Variants in CAMK2A observed in about 807,000 individuals in gnomAD.
CAMK2A encodes the protein calcium/calmodulin dependent protein kinase II alpha, also known as calcium/calmodulin-dependent protein kinase type II subunit alpha.
Under a neutral mutation model 79.2 loss-of-function variants are expected in CAMK2A, and 7 were observed. The ratio of observed to expected loss-of-function variants is 0.09; its 90% confidence interval spans 0.05 to 0.17. The LOEUF (loss-of-function observed/expected upper bound fraction) is 0.17. CAMK2A is among the 10% of genes least tolerant of loss of function. CAMK2A has a pLI of 1.00. For synonymous variants in CAMK2A, 242 were observed against 251.7 expected (o/e 0.96, Z 0.36); for missense variants, 214 against 646.4 (o/e 0.33, Z 7.25).
At position 150,287,935 on chromosome 5, in the gene CAMK2A, C is replaced by CTG. The variant is rs1491510823; in HGVS notation, c.62+1628_62+1629insCA. 1.2e-3 allele frequency among the ~76,000 whole-genome samples: 143 copies of CTG among 114,468 alleles called. 1 individual carries two copies. Among genetic ancestry groups the CTG allele is most frequent in the African/African-American group, 4.6e-3 (128 of 27,910 alleles). 75.1% of individuals were successfully genotyped at this position (114,468 alleles called of 152,430 possible). A position where few individuals can be genotyped will look rare whatever the true frequency, so the allele number is the denominator to read the frequency against. On this transcript the variant is annotated intron_variant, in intron 1 of 18. Transcript: ENST00000671881. Reference sequence around the variant, plus strand: ...AGGTGGTGCATGCCTGTAGGATAGCCTCTGTGTGTGTGTGTGTGTGTGTGT... The same window carrying CTG: ...AGGTGGTGCATGCCTGTAGGATAGCCTGTCTGTGTGTGTGTGTGTGTGTGTGT...
intron 17 of CAMK2A, among the ~76,000 whole-genome samples, chr5:150,227,639 T>C (rs533285540): frequency 1.3e-5 from 2 of 152,224 alleles, no homozygotes; most frequent in South Asian, 4.2e-4. Context: ...AGGTCTCTCC[T>C]GCAAAGGAGA....
intron 3 of CAMK2A, among the ~76,000 whole-genome samples, chr5:150,261,528 C>A (rs557756351): frequency 2.0e-5 from 3 of 152,200 alleles, no homozygotes; most frequent in Non-Finnish European, 4.4e-5. Flanking sequence ...ACAAACAAAT[C>A]TGTAACCTAG....
Position 150,250,372 on chromosome 5 carries a change from G to T in CAMK2A, c.817-63C>A. On this transcript the variant is annotated intron_variant, in intron 10 of 18. Coordinates refer to ENST00000671881, the MANE Select transcript of CAMK2A (RefSeq NM_015981.4). ...AGGCTGGAAGACAGGCCCACCCAAG[G>T]GTACCCTTCAGCAGGGCATCTTAAT... 4 of 1,385,152 alleles carry T rather than the reference G, an allele frequency of 2.9e-6. No homozygotes were observed. The South Asian group carries it at 3.5e-5, about 12-fold the overall frequency. 85.8% of individuals were successfully genotyped at this position (1,385,152 alleles called of 1,614,324 possible). A position where few individuals can be genotyped will look rare whatever the true frequency, so the allele number is the denominator to read the frequency against.
At chr5:150,251,945 C>T (rs1310526798) in intron 8 of CAMK2A, 37 bp downstream of exon 8, 6 of 1,590,794 alleles carry the variant, frequency 3.8e-6, no homozygotes, top group South Asian at 1.1e-5. Flanking sequence ...GGCCGGGGTG[C>T]AGCCAGGGGC....
Position 150,223,339 on chromosome 5 carries a change from G to T in CAMK2A, c.1238-122C>A. On this transcript the variant is annotated intron_variant, in intron 17 of 18. Transcript: ENST00000671881. This position sits in a 1 kb window ranked among gnomAD's most constrained non-coding sequence, Gnocchi z 4.1. ...GGCGCCCTGCCTGACTCATTTGCAG[G>T]GAAGGGGCCTGTGTGGCAGGACTCA... 1 of 749,818 alleles carries T rather than the reference G, an allele frequency of 1.3e-6. No individual in the cohort carries two copies. 46.4% of individuals were successfully genotyped at this position (749,818 alleles called of 1,614,324 possible).
At chr5:150,283,569 A>G (rs566652716) in intron 1 of CAMK2A, among the ~76,000 whole-genome samples, 11 of 152,212 alleles carry the variant, frequency 7.2e-5, no homozygotes, top group Admixed American at 7.2e-4. Context: ...TTCAGCCTCC[A>G]GCTCCCTAAT....
chr5:150,245,869 T>A (rs1254508675), intron 12 of CAMK2A, among the ~76,000 whole-genome samples: 2 of 152,238 alleles, frequency 1.3e-5, no homozygotes, highest in African/African-American at 2.4e-5. Context: ...CTTCCCCTGC[T>A]GTCATTTCCC....
In CAMK2A at chr5:150,256,679, G is replaced by C. The variant is rs750149539; in HGVS notation, c.339-34C>G. 1 of 1,609,962 alleles carries C rather than the reference G, an allele frequency of 6.2e-7. No homozygotes were observed. On this transcript the variant is annotated intron_variant, in intron 5 of 18. Transcript: ENST00000671881. This position sits in a 1 kb window ranked among gnomAD's most constrained non-coding sequence, Gnocchi z 4.6. ...AGAGAGAGGAAGGGGTCATGGTGGT[G>C]TGAGCACAGGCCTCCCCTGGGAAGC...
chr5:150,277,976 A>G (rs543577403), intron 1 of CAMK2A, among the ~76,000 whole-genome samples: 11 of 152,302 alleles, frequency 7.2e-5, no homozygotes, highest in Non-Finnish European at 1.5e-4. Context: ...GACTCAACCA[A>G]CAACAGAAGA....
At chr5:150,250,612 G>C in intron 10 of CAMK2A, 76 bp downstream of exon 10, 1 of 1,580,282 alleles carries the variant, frequency 6.3e-7, no homozygotes, top group Non-Finnish European at 8.6e-7. Context: ...CCAGGGGAAG[G>C]GCCAGAACTC....
At chr5:150,245,355 C>T in intron 12 of CAMK2A, 154 bp from the exon 13 acceptor site, 3 of 575,366 alleles carry the variant, frequency 5.2e-6, no homozygotes, top group Non-Finnish European at 8.7e-6. Flanking sequence ...CCTCCTCCTC[C>T]TCCTCCTCCT....
intron 13 of CAMK2A, among the ~76,000 whole-genome samples, chr5:150,241,518 C>A (rs1755339742): frequency 7.7e-6 from 1 of 130,002 alleles, no homozygotes; most frequent in Non-Finnish European, 1.7e-5. Flanking sequence ...CTCCTCCTCC[C>A]TCTTTTCTTC....
chr5:150,228,556 G>A (rs1318591484), intron 16 of CAMK2A, among the ~76,000 whole-genome samples: 2 of 152,188 alleles, frequency 1.3e-5, no homozygotes, highest in Non-Finnish European at 1.5e-5. Context: ...TTAAGCAAGA[G>A]CACCATGAAT....
intron 3 of CAMK2A, among the ~76,000 whole-genome samples, chr5:150,260,877 G>A (rs140567832): frequency 2.0e-5 from 3 of 152,240 alleles, no homozygotes; most frequent in African/African-American, 4.8e-5. Context: ...TGGTCTCTGG[G>A]GAGTGAACCC....
intron 6 of CAMK2A, among the ~76,000 whole-genome samples, chr5:150,254,346 G>A (rs1755963517): frequency 6.6e-6 from 1 of 152,156 alleles, no homozygotes; most frequent in Non-Finnish European, 1.5e-5. Flanking sequence ...AGGTTGGGGG[G>A]CCACACAGCA....
At position 150,256,679 on chromosome 5, in the gene CAMK2A, G is replaced by A. The variant is rs750149539; in HGVS notation, c.339-34C>T. 3.1e-6 allele frequency: 5 copies of A among 1,609,962 alleles called. No homozygotes were observed. The highest frequency in any genetic ancestry group is 4.5e-5 in the East Asian group (2 of 44,856). ...AGAGAGAGGAAGGGGTCATGGTGGT[G>A]TGAGCACAGGCCTCCCCTGGGAAGC... On this transcript the variant is annotated intron_variant, in intron 5 of 18. Transcript: ENST00000671881. This position sits in a 1 kb window ranked among gnomAD's most constrained non-coding sequence, Gnocchi z 4.6.
chr5:150,244,779 G>A (rs1337952663), intron 13 of CAMK2A, among the ~76,000 whole-genome samples: 1 of 152,166 alleles, frequency 6.6e-6, no homozygotes, highest in African/African-American at 2.4e-5. Flanking sequence ...CCCACACATA[G>A]GCAGGACGGA....
At chr5:150,275,363 G>C (rs1436068472) in intron 1 of CAMK2A, among the ~76,000 whole-genome samples, 1 of 150,490 alleles carries the variant, frequency 6.6e-6, no homozygotes, top group Non-Finnish European at 1.5e-5. Flanking sequence ...CATGCTTCTG[G>C]CCACCAGCTA....
Position 150,250,702 on chromosome 5 carries a change from G to T in CAMK2A, c.802C>A (p.His268Asn). 2 of 1,614,148 alleles carry T rather than the reference G, an allele frequency of 1.2e-6. No individual in the cohort carries two copies. Among genetic ancestry groups the T allele is most frequent in the Non-Finnish European group, 1.7e-6 (2 of 1,180,004 alleles). ...GGAAGGCTCACCGAGATCCAGGGGT[G>T]CTTAAGGGCTTCGGCAGCTGTGATG... The part of the protein sequence containing the change: ...KRITAAEALK[H>N]PWISHRSTVA... Residue 268 changes from histidine to asparagine, a missense_variant, in exon 10 of 19, where the codon CAC becomes AAC. Coordinates refer to ENST00000671881, the MANE Select transcript of CAMK2A (RefSeq NM_015981.4).
Sources: gnomAD v4.1 joint callset for allele counts (sites outside exome capture counted in the v4.1 genomes callset) on GRCh38, gnomAD v4.1.1 for gene constraint, Gnocchi (gnomAD v3.1) non-coding constraint, MANE v1.5 for transcripts, NCBI Gene and HGNC (gene_info 2026-07-23, HGNC 2026-07-21) for gene names.